The following DNAH3 variants were observed in gnomAD, a reference collection of about 807,000 sequenced individuals.
DNAH3 encodes the protein axonemal beta dynein heavy chain 3.
Under a neutral mutation model 432.5 loss-of-function variants are expected in DNAH3, and 332 were observed. That is an observed-to-expected ratio of 0.77 (90% CI 0.70 to 0.84). The LOEUF is 0.84. DNAH3 is among the 40% of genes least tolerant of loss of function. The probability of loss-of-function intolerance (pLI) is 0.00; values close to 1 mark genes in which losing one functional copy is unlikely to be tolerated. For missense variants in DNAH3, 4,861 were observed against 5,114.0 expected (o/e 0.95, Z 1.51); for synonymous variants, 1,956 against 1,900.2 (o/e 1.03, Z -0.76).
intron 16 of DNAH3, among the ~76,000 whole-genome samples, chr16:21,100,992 C>A (rs1052157905): frequency 1.3e-5 from 2 of 152,252 alleles, no homozygotes; most frequent in African/African-American, 4.8e-5. Context: ...ACTTTCATGT[C>A]CCCACAACAC....
chr16:20,965,700 G>A (rs981907204), intron 52 of DNAH3, among the ~76,000 whole-genome samples: 1 of 151,964 alleles, frequency 6.6e-6, no homozygotes, highest in African/African-American at 2.4e-5. Flanking sequence ...CAGACCTCAG[G>A]CCTCATTTTA....
At chr16:21,056,223 GTTC>G (rs1275658252) in intron 27 of DNAH3, among the ~76,000 whole-genome samples, 3 of 152,090 alleles carry the variant, frequency 2.0e-5, no homozygotes, top group East Asian at 1.9e-4. Context: ...GCATACTCCA[GTTC>G]TTCTCTCTGG....
At position 20,966,014 on chromosome 16, in the gene DNAH3, ATTTTTTTTTTTTTTTTTT is replaced by A. The variant is rs555983378; in HGVS notation, c.8459-607_8459-590del. On this transcript the variant is annotated intron_variant, in intron 52 of 61. Coordinates refer to ENST00000261383, the Ensembl canonical transcript of DNAH3. ...AGGCCTGAGCCACCATGCCCAGCCAATTTTTTTTTTTTTTTTTTTTTTTTTTTTTTTTTTTTTTTTGAG... is the reference window on the plus strand; with the variant it reads ...AGGCCTGAGCCACCATGCCCAGCCAATTTTTTTTTTTTTTTTTTTTTTGAG... Among the ~76,000 whole-genome samples, 38 of 48,390 alleles carry A rather than the reference ATTTTTTTTTTTTTTTTTT, an allele frequency of 7.9e-4. 1 individual carries two copies. Among genetic ancestry groups the A allele is most frequent in the East Asian group, 5.0e-3 (11 of 2,198 alleles). 31.7% of individuals were successfully genotyped at this position (48,390 alleles called of 152,430 possible).
intron 8 of DNAH3, among the ~76,000 whole-genome samples, 164 bp downstream of exon 9, chr16:21,127,523 T>G (rs1241063978): frequency 1.3e-5 from 2 of 151,244 alleles, no homozygotes; most frequent in Non-Finnish European, 2.9e-5. Flanking sequence ...ATCACACCAC[T>G]GCACTCCAGC....
At chr16:21,028,401 A>T (rs2088683723) in intron 37 of DNAH3, among the ~76,000 whole-genome samples, 1 of 151,400 alleles carries the variant, frequency 6.6e-6, no homozygotes, top group Non-Finnish European at 1.5e-5. Flanking sequence ...CGTGCCTGTG[A>T]TCCCAGCACA....
chr16:21,135,978 C>T (rs937546572), intron 6 of DNAH3, among the ~76,000 whole-genome samples: 1 of 151,556 alleles, frequency 6.6e-6, no homozygotes, highest in Non-Finnish European at 1.5e-5. Context: ...CTGCAGGTTA[C>T]AGGGATGCAC....
intron 3 of DNAH3, among the ~76,000 whole-genome samples, chr16:21,143,146 A>G (rs4783381): frequency 0.72 from 109,603 of 152,046 alleles, 40,018 homozygotes; most frequent in East Asian, 1. Context: ...AAACCTGGGA[A>G]GCAATAGCAC....
intron 1 of DNAH3, among the ~76,000 whole-genome samples, chr16:21,154,210 C>T (rs1251165686): frequency 1.3e-5 from 2 of 152,170 alleles, no homozygotes; most frequent in African/African-American, 4.8e-5. Context: ...TCAAGACCAA[C>T]CTGGCCAACA....
intron 55 of DNAH3, 56 bp downstream of exon 55, chr16:20,954,757 T>C (rs2084482078): frequency 1.8e-5 from 28 of 1,586,804 alleles, no homozygotes; most frequent in Non-Finnish European, 2.2e-5. Context: ...GAAACACACC[T>C]ATATGTGTCT....
At chr16:20,963,573 C>T in exon 53 of DNAH3, 1 of 1,614,074 alleles carries the variant, frequency 6.2e-7, no homozygotes, top group Non-Finnish European at 8.5e-7. Context: ...GTTCCAAATG[C>T]TCCATCAGGC....
chr16:21,131,539 AAAAG>A (rs1162860416), intron 7 of DNAH3, among the ~76,000 whole-genome samples: 7 of 151,212 alleles, frequency 4.6e-5, no homozygotes, highest in East Asian at 2.0e-4. Context: ...GAAAGAAAGA[AAAAG>A]AAAGGAAGGA....
intron 31 of DNAH3, among the ~76,000 whole-genome samples, chr16:21,047,691 C>G (rs2089766780): frequency 4.6e-5 from 7 of 152,290 alleles, no homozygotes; most frequent in Admixed American, 4.6e-4. Flanking sequence ...AAGCCATTCT[C>G]CATCCAGCTT....
chr16:21,002,830 G>T (rs752982420), intron 42 of DNAH3, among the ~76,000 whole-genome samples: 1 of 152,088 alleles, frequency 6.6e-6, no homozygotes, highest in Non-Finnish European at 1.5e-5. Flanking sequence ...CCTAGCATGT[G>T]CCATGTGTTC....
intron 53 of DNAH3, among the ~76,000 whole-genome samples, chr16:20,961,393 T>C (rs1267755883): frequency 4.6e-5 from 7 of 151,966 alleles, no homozygotes; most frequent in Non-Finnish European, 8.8e-5. Context: ...ACACCTAATG[T>C]AAATGATGAG....
rs144543124 is a variant in DNAH3, at chr16:20,987,952, T to C, written c.6715A>G (p.Met2239Val). 3.1e-6 allele frequency: 5 copies of C among 1,614,044 alleles called. No homozygotes were observed. In the African/African-American group the frequency reaches 6.7e-5, roughly 22 times the overall value. ...AGAGAAACCTCTTACCTTAAAAACA[T>C]CACATCAAACCCTTTCCCGAAGTGC... Residue 2239 changes from methionine (M) to valine (V), a missense_variant, in exon 45 of 62, where the codon ATG (methionine) becomes GTG (valine). Transcript: ENST00000261383.
At chr16:21,113,698 A>T (rs976235139) in intron 12 of DNAH3, among the ~76,000 whole-genome samples, 3 of 152,126 alleles carry the variant, frequency 2.0e-5, no homozygotes, top group African/African-American at 7.2e-5. Context: ...GCCTCAAGTC[A>T]TTTGCCCACC....
intron 32 of DNAH3, among the ~76,000 whole-genome samples, chr16:21,041,375 AAAAAG>A (rs1264235661): frequency 1.3e-5 from 2 of 152,116 alleles, no homozygotes; most frequent in South Asian, 4.1e-4. Flanking sequence ...CATCTCAAAA[AAAAAG>A]AGAGAGAGAA....
chr16:20,964,930 G>A, exon 53 of DNAH3: 1 of 1,614,130 alleles, frequency 6.2e-7, no homozygotes, highest in Non-Finnish European at 8.5e-7. Context: ...CAGCTGTCGG[G>A]CAGCTTCGGT....
In DNAH3 at chr16:20,980,279, A is replaced by ATATAT. The variant is rs527442173; in HGVS notation, c.7860-738_7860-734dup. Among the ~76,000 whole-genome samples the ATATAT allele has an allele frequency of 3.1e-3, 427 of 137,860 alleles. 5 individuals carry two copies. The highest frequency in any genetic ancestry group is 0.011 in the African/African-American group (418 of 37,354). 90.4% of individuals were successfully genotyped at this position (137,860 alleles called of 152,430 possible). Reference sequence around the variant, plus strand: ...CATATATTATATTATAATATACATCATATATTATAATATACATCATATATT... The same window carrying ATATAT: ...CATATATTATATTATAATATACATCATATATTATATTATAATATACATCATATATT... On this transcript the variant is annotated intron_variant, in intron 49 of 61. Coordinates refer to ENST00000261383, the Ensembl canonical transcript of DNAH3.
Sources: allele counts gnomAD v4.1 joint callset (sites outside exome capture counted in the v4.1 genomes callset), GRCh38; gene constraint gnomAD v4.1.1; transcripts MANE v1.5; gene names NCBI Gene and HGNC (gene_info 2026-07-23, HGNC 2026-07-21).